AMPD2: variants seen among roughly 807,000 people sequenced by gnomAD.
The protein encoded by AMPD2 is AMP deaminase 2.
In AMPD2, 52 loss-of-function variants were observed where a neutral mutation model predicts 91.3. The observed-to-expected ratio is 0.57, with a 90% CI of 0.46 to 0.72. The LOEUF (loss-of-function observed/expected upper bound fraction) is 0.72. Ranked by LOEUF, AMPD2 falls within the 30% of genes least tolerant of loss-of-function variation. The probability of loss-of-function intolerance (pLI) is 0.00; values close to 1 mark genes in which losing one functional copy is unlikely to be tolerated. For synonymous variants in AMPD2, 455 were observed against 456.4 expected (o/e 1.00, Z 0.04); for missense variants, 822 against 1,122.3 (o/e 0.73, Z 3.82).
intron 2 of AMPD2, among the ~76,000 whole-genome samples, chr1:109,622,714 C>T (rs1014377101): frequency 2.0e-5 from 3 of 152,042 alleles, no homozygotes; most frequent in African/African-American, 7.2e-5. Flanking sequence ...TGGAATCTGT[C>T]CTGCTCACCC....
Position 109,626,416 on chromosome 1 carries a change from G to T in AMPD2, c.520G>T (p.Glu174Ter), listed in dbSNP as rs753591864. ...EFQRVTISGE[E>*]KCGVPFTDLL... is the part of the protein sequence containing the mutation. ...TCAGCGGGTCACCATCTCTGGGGAG[G>T]AGAAGTGTGGGGTAAGTATGGGGTG... Residue 174 changes from glutamate (E) to a stop codon, truncating the protein, a stop_gained, in exon 6 of 19, where the codon GAG becomes TAG. Coordinates refer to ENST00000528667, the MANE Select transcript of AMPD2 (RefSeq NM_001368809.2). LOFTEE classifies it high-confidence loss of function. 3.3e-5 allele frequency: 53 copies of T among 1,609,580 alleles called. No homozygotes were observed. The highest frequency in any genetic ancestry group is 4.2e-5 in the Non-Finnish European group (50 of 1,178,420).
intron 2 of AMPD2, among the ~76,000 whole-genome samples, chr1:109,623,333 C>A (rs1392728612): frequency 2.0e-5 from 3 of 152,214 alleles, no homozygotes; most frequent in Non-Finnish European, 4.4e-5. Context: ...GGAACAGAAT[C>A]AGATCCATGT....
At position 109,625,686 on chromosome 1, in the gene AMPD2, GA is replaced by G. The variant is rs1237742891; in HGVS notation, c.248del (p.Glu83GlyfsTer50). Reference protein sequence around the residue: ...AEELFTRSLAESELRSAPYEF... With the variant: ...AEELFTRSLAXSELRSAPYEF... Reference sequence around the variant, plus strand: ...GGAGCTGTTCACCCGCTCACTGGCTGAGAGCGAGCTCCGTAGTGCCCCGTAT... The same window carrying G: ...GGAGCTGTTCACCCGCTCACTGGCTGGAGCGAGCTCCGTAGTGCCCCGTAT... On this transcript the variant is annotated frameshift_variant, in exon 4 of 19. Transcript: ENST00000528667. LOFTEE classifies it high-confidence loss of function. This position sits in a 1 kb window ranked among gnomAD's most constrained non-coding sequence, Gnocchi z 4.0. 1 of 1,614,160 alleles carries G rather than the reference GA, an allele frequency of 6.2e-7. No homozygotes were observed. The highest frequency in any genetic ancestry group is 1.7e-5 in the Admixed American group (1 of 60,036).
intron 16 of AMPD2, 118 bp downstream of exon 16, chr1:109,630,034 C>T: frequency 6.8e-7 from 1 of 1,472,784 alleles, no homozygotes; most frequent in East Asian, 2.3e-5. Context: ...TCTGCCTTCC[C>T]AATGTAACTA....
At position 109,628,542 on chromosome 1, in the gene AMPD2, G is replaced by A; in HGVS notation, c.1407+47G>A. 2 of 1,612,266 alleles carry A rather than the reference G, an allele frequency of 1.2e-6. No homozygotes were observed. The highest frequency in any genetic ancestry group is 2.7e-5 in the African/African-American group (2 of 74,668). ...CCAAGCCTCGAGCCTGAGGATCTGG[G>A]GGCTTTTAGGGGGTGAGACTCAAGG... On this transcript the variant is annotated intron_variant, in intron 12 of 18. Transcript: ENST00000528667. The surrounding 1 kb of genome is among the most constrained non-coding windows in gnomAD (Gnocchi z 7.1).
Position 109,630,282 on chromosome 1 carries a change from T to C in AMPD2, c.2033T>C (p.Met678Thr). The change falls in exon 17 of 19, where the codon ATG (methionine) becomes ACG (threonine). Residue 678 changes from methionine to threonine, a missense_variant. Transcript: ENST00000528667. The part of the protein sequence containing the change: ...LYYLAQIGIA[M>T]SPLSNNSLFL... ...TACCTGGCCCAGATCGGCATCGCCA[T>C]GTCTCCGCTCAGCAACAACAGCCTC... 1.2e-6 allele frequency: 2 copies of C among 1,613,768 alleles called. No homozygotes were observed. Among genetic ancestry groups the C allele is most frequent in the East Asian group, 2.2e-5 (1 of 44,848 alleles).
chr1:109,630,170 C>T, intron 16 of AMPD2, 63 bp from the exon 17 acceptor site: 1 of 1,576,564 alleles, frequency 6.3e-7, no homozygotes, highest in South Asian at 1.1e-5. Flanking sequence ...ACCCCCAGAA[C>T]CACTGTGCCC....
At chr1:109,630,850 T>C in intron 18 of AMPD2, 57 bp downstream of exon 18, 2 of 1,593,970 alleles carry the variant, frequency 1.3e-6, no homozygotes, top group Non-Finnish European at 1.7e-6. Context: ...TCCTCTGCAT[T>C]TGGGGTCCTG....
rs756953746 is a variant in AMPD2 at position 109,624,367 on chromosome 1, G to T, written c.92-936G>T. On this transcript the variant is annotated intron_variant, in intron 2 of 18. Coordinates refer to ENST00000528667, the MANE Select transcript of AMPD2 (RefSeq NM_001368809.2). The surrounding 1 kb of genome is among the most constrained non-coding windows in gnomAD (Gnocchi z 5.2). The stretch of plus-strand genomic sequence containing the variant: ...AGCTGGGGCTGCTGAGCCCAGGGAG[G>T]GTCCTTCGGGGTAGGCTGGAAGCCT... Among the ~76,000 whole-genome samples, 2 of 152,194 alleles carry T rather than the reference G, an allele frequency of 1.3e-5. No homozygotes were observed. The highest frequency in any genetic ancestry group is 2.9e-5 in the Non-Finnish European group (2 of 68,014).
chr1:109,622,702 G>T (rs1650360818), intron 2 of AMPD2, among the ~76,000 whole-genome samples: 1 of 152,150 alleles, frequency 6.6e-6, no homozygotes, highest in Non-Finnish European at 1.5e-5. Flanking sequence ...GGCACTGGCT[G>T]TTGGAATCTG....
At position 109,631,067 on chromosome 1, in the gene AMPD2, CGCT is replaced by C; in HGVS notation, c.2394_2396del (p.Leu799del). 6.2e-7 allele frequency: 1 copy of C among 1,613,724 alleles called. No homozygotes were observed. ...TACGAGACCCTGTGCCAGGAGCTGG[CGCT>C]CATCACGCAGGCAGTCCAGAGTGAG... On this transcript the variant is annotated inframe_deletion, in exon 19 of 19. Coordinates refer to ENST00000528667, the MANE Select transcript of AMPD2 (RefSeq NM_001368809.2).
At position 109,630,731 on chromosome 1, in the gene AMPD2, A is replaced by T. The variant is rs1435258637; in HGVS notation, c.2206A>T (p.Ser736Cys). ...YSIATQVWKLSSCDMCELARN... is the reference protein window; with the variant it reads ...YSIATQVWKLCSCDMCELARN... Reference sequence around the variant, plus strand: ...CATCGCCACCCAGGTGTGGAAGCTCAGCTCCTGCGATATGTGTGAGCTGGC... The same window carrying T: ...CATCGCCACCCAGGTGTGGAAGCTCTGCTCCTGCGATATGTGTGAGCTGGC... Residue 736 changes from serine (S) to cysteine (C), a missense_variant, in exon 18 of 19, where the codon AGC becomes TGC. Physicochemically the swap from Ser to Cys is moderately radical, Grantham distance 112. This residue lies in a region of AMPD2 where 430 missense variants were observed against 606.0 expected (regional missense o/e 0.71). Coordinates refer to ENST00000528667, the MANE Select transcript of AMPD2 (RefSeq NM_001368809.2). 6 of 1,612,112 alleles carry T rather than the reference A, an allele frequency of 3.7e-6. No homozygotes were observed. The highest frequency in any genetic ancestry group is 5.1e-6 in the Non-Finnish European group (6 of 1,179,370).
In AMPD2 at chr1:109,630,666, G is replaced by A. The variant is rs777335140; in HGVS notation, c.2158-17G>A. On this transcript the variant is annotated splice_polypyrimidine_tract_variant and intron_variant, in intron 17 of 18. Coordinates refer to ENST00000528667, the MANE Select transcript of AMPD2 (RefSeq NM_001368809.2). ...CTGGCCAGGGCGCACTCGTCTGAGG[G>A]AACCTGGCCCGTGCAGGAGCCGCTG... The A allele has an allele frequency of 5.0e-6, 8 of 1,604,688 alleles. No individual in the cohort carries two copies. The African/African-American group carries it at 9.4e-5, about 19-fold the overall frequency.
chr1:109,620,572 C>A (rs1650156321), intron 1 of AMPD2: 1 of 1,249,508 alleles, frequency 8.0e-7, no homozygotes, highest in Non-Finnish European at 1.0e-6. Flanking sequence ...CCCCTCCCTC[C>A]TGGGCTGGGA....
chr1:109,628,588 T>G lies in AMPD2; in HGVS notation c.1408-55T>G. 6.2e-7 allele frequency: 1 copy of G among 1,610,726 alleles called. No homozygotes were observed. Among genetic ancestry groups the G allele is most frequent in the Non-Finnish European group, 8.5e-7 (1 of 1,177,804 alleles). On this transcript the variant is annotated intron_variant, in intron 12 of 18. Coordinates refer to ENST00000528667, the MANE Select transcript of AMPD2 (RefSeq NM_001368809.2). The surrounding 1 kb of genome is among the most constrained non-coding windows in gnomAD (Gnocchi z 7.1). ...CAAGGAGGGTAGGCAGATGACCCCC[T>G]GAAGAGCTCTGACTCAGCTCACCTC...
chr1:109,619,905 C>G lies in AMPD2; in HGVS notation c.-636C>G, dbSNP rs1045849157. 5.9e-6 allele frequency: 2 copies of G among 339,148 alleles called. No homozygotes were observed. The highest frequency in any genetic ancestry group is 2.2e-5 in the African/African-American group (1 of 45,176). The allele number at this position is 339,148 out of a possible 1,614,324, so 21.0% of individuals were successfully genotyped here. On this transcript the variant is annotated 5_prime_UTR_variant, in exon 1 of 19. Transcript: ENST00000528667. ...GGTCTCACCTGTTGCGTGACTCCCC[C>G]ACAGTCCGGCCGCGGGAGTCCGACC...
At position 109,627,157 on chromosome 1, in the gene AMPD2, C is replaced by T. The variant is rs1650758475; in HGVS notation, c.719-18C>T. 5 of 1,611,970 alleles carry T rather than the reference C, an allele frequency of 3.1e-6. No homozygotes were observed. Among genetic ancestry groups the T allele is most frequent in the Non-Finnish European group, 4.2e-6 (5 of 1,179,632 alleles). On this transcript the variant is annotated intron_variant, in intron 7 of 18. Transcript: ENST00000528667. Reference sequence around the variant, plus strand: ...TTGGAAGAGCCCTGCTCTGACTTTACCCTCCTCACCCCTGCAGATGCCCCG... The same window carrying T: ...TTGGAAGAGCCCTGCTCTGACTTTATCCTCCTCACCCCTGCAGATGCCCCG...
intron 5 of AMPD2, 22 bp from the exon 6 acceptor site, chr1:109,626,296 TC>T: frequency 6.2e-7 from 1 of 1,612,968 alleles, no homozygotes; most frequent in Non-Finnish European, 8.5e-7. Context: ...TCTAAACCCC[TC>T]CCTTGAATGC....
chr1:109,629,779 G>A lies in AMPD2; in HGVS notation c.1863-17G>A, dbSNP rs1482064165. ...GATCCCAGGCTCAGGAGCTGACACT[G>A]TCTTCATGTCCCCCAGGCAGAGGGG... On this transcript the variant is annotated splice_polypyrimidine_tract_variant and intron_variant, in intron 15 of 18. Transcript: ENST00000528667. 3.8e-6 allele frequency: 6 copies of A among 1,575,160 alleles called. No individual in the cohort carries two copies. The highest frequency in any genetic ancestry group is 5.2e-6 in the Non-Finnish European group (6 of 1,157,206).
Sources: gnomAD v4.1 joint callset for allele counts (sites outside exome capture counted in the v4.1 genomes callset) on GRCh38, gnomAD v4.1.1 for gene constraint, gnomAD v4.1.1 regional missense constraint, Gnocchi (gnomAD v3.1) non-coding constraint, MANE v1.5 for transcripts, NCBI Gene and HGNC (gene_info 2026-07-23, HGNC 2026-07-21) for gene names.